The following TUBGCP2 variants were observed in gnomAD, a reference collection of about 807,000 sequenced individuals.
The protein encoded by TUBGCP2 is gamma-tubulin complex component 2.
TUBGCP2 carries 55 observed loss-of-function variants against 92.2 expected under a neutral mutation model. The ratio of observed to expected loss-of-function variants is 0.60; its 90% CI spans 0.48 to 0.75. The LOEUF (loss-of-function observed/expected upper bound fraction) is 0.75. TUBGCP2 is among the 30% of genes least tolerant of loss of function. The pLI, the probability that TUBGCP2 is intolerant of heterozygous loss-of-function variation, is 0.00. For synonymous variants in TUBGCP2, 533 were observed against 505.2 expected, an observed-to-expected ratio of 1.06 and a Z score of -0.74; for missense variants, 1,093 against 1,188.9, an observed-to-expected ratio of 0.92 and a Z score of 1.19.
At chr10:133,303,219 A>T (rs4370852) in intron 1 of TUBGCP2, among the ~76,000 whole-genome samples, 2 of 107,792 alleles carry the variant, frequency 1.9e-5, no homozygotes, top group African/African-American at 7.6e-5. Context: ...TCTGGACGGG[A>T]CTGGGATTAG....
intron 3 of TUBGCP2, 99 bp from the exon 4 acceptor site, chr10:133,299,702 G>T: frequency 1.9e-6 from 2 of 1,073,722 alleles, no homozygotes; most frequent in Non-Finnish European, 2.7e-6. Context: ...CCCCAACCCT[G>T]ACAGGCACCC....
In TUBGCP2 at chr10:133,279,930, G is replaced by A. The variant is rs756313513; in HGVS notation, c.2574-29C>T. Reference sequence around the variant, plus strand: ...TGAGGAAGGACAGTGGAGCTGGGGTGCACACCCCTTCTGCGGGTGCATGCT... The same window carrying A: ...TGAGGAAGGACAGTGGAGCTGGGGTACACACCCCTTCTGCGGGTGCATGCT... On this transcript the variant is annotated intron_variant, in intron 17 of 17. Transcript: ENST00000252936. 3 of 1,600,670 alleles carry A rather than the reference G, an allele frequency of 1.9e-6. No homozygotes were observed. In the South Asian group the frequency reaches 3.4e-5, roughly 18 times the overall value.
intron 1 of TUBGCP2, among the ~76,000 whole-genome samples, chr10:133,305,022 C>G (rs907374585): frequency 1.3e-5 from 2 of 152,072 alleles, no homozygotes; most frequent in Admixed American, 6.5e-5. Context: ...GAAAGGGAGT[C>G]TCCCTTTCCC....
upstream of TUBGCP2, chr10:133,308,987 C>G: frequency 8.0e-7 from 1 of 1,246,780 alleles, no homozygotes; most frequent in Non-Finnish European, 1.0e-6. Context: ...GCTGCGGGGC[C>G]CGGGGCGGCG....
intron 11 of TUBGCP2, among the ~76,000 whole-genome samples, chr10:133,286,149 A>G (rs1847130056): frequency 6.6e-6 from 1 of 152,096 alleles, no homozygotes; most frequent in African/African-American, 2.4e-5. Context: ...GCAAGAAGAA[A>G]CAAGCAGCGG....
intron 15 of TUBGCP2, 106 bp downstream of exon 15, chr10:133,282,972 G>T (rs3747887): frequency 6.8e-7 from 1 of 1,469,678 alleles, no homozygotes; most frequent in Non-Finnish European, 9.2e-7. Context: ...GCTCCTCCAC[G>T]AACACAAGGG....
upstream of TUBGCP2, chr10:133,311,825 C>T (rs771125116): frequency 1.3e-5 from 21 of 1,613,134 alleles, no homozygotes; most frequent in African/African-American, 2.7e-5. Context: ...AGGTGAGAGG[C>T]GGATCTACAG....
In TUBGCP2 at chr10:133,279,758, G is replaced by A; in HGVS notation, c.*8C>T. On this transcript the variant is annotated 3_prime_UTR_variant, in exon 18 of 18. Transcript: ENST00000252936. The stretch of plus-strand genomic sequence containing the variant: ...CCCCACACCCTTCCTTCCTGTCACA[G>A]CCAGGGCTCACTGTGCGGTGACTGC... 1.9e-6 allele frequency: 3 copies of A among 1,552,664 alleles called. No individual in the cohort carries two copies. The highest frequency in any genetic ancestry group is 2.6e-6 in the Non-Finnish European group (3 of 1,147,990).
intron 11 of TUBGCP2, 62 bp downstream of exon 11, chr10:133,288,067 C>T (rs1847177664): frequency 6.4e-7 from 1 of 1,554,648 alleles, no homozygotes; most frequent in East Asian, 2.3e-5. Flanking sequence ...CTCTGCTGTG[C>T]TCTCCTCCCA....
upstream of TUBGCP2, chr10:133,312,292 C>T: frequency 8.1e-7 from 1 of 1,234,866 alleles, no homozygotes; most frequent in Non-Finnish European, 1.0e-6. Context: ...GTCTGCCTTT[C>T]TAGCGTCACC....
chr10:133,311,345 G>C (rs529586902), upstream of TUBGCP2, among the ~76,000 whole-genome samples: 2 of 152,188 alleles, frequency 1.3e-5, no homozygotes, highest in Non-Finnish European at 2.9e-5. Context: ...ACCGTGCAAT[G>C]CTGGATTAAG....
chr10:133,296,246 C>T (rs764323368), intron 5 of TUBGCP2, among the ~76,000 whole-genome samples: 5 of 152,304 alleles, frequency 3.3e-5, no homozygotes, highest in Admixed American at 2.6e-4. Context: ...CTGAACACCC[C>T]CTCAGTGCCT....
intron 5 of TUBGCP2, chr10:133,295,315 T>C (rs1847463623): frequency 1.3e-5 from 2 of 152,252 alleles, no homozygotes; most frequent in South Asian, 4.1e-4. Context: ...CGTGTGATGG[T>C]GCACACCTGC....
At chr10:133,308,112 T>G (rs1247164545) in intron 1 of TUBGCP2, among the ~76,000 whole-genome samples, 1 of 152,188 alleles carries the variant, frequency 6.6e-6, no homozygotes, top group Non-Finnish European at 1.5e-5. Context: ...ACGAGAAAGC[T>G]AAAGCCTCTA....
intron 13 of TUBGCP2, among the ~76,000 whole-genome samples, chr10:133,284,824 C>T (rs75391235): frequency 0.023 from 3,448 of 152,372 alleles, 58 homozygotes; most frequent in Middle Eastern, 0.058. Flanking sequence ...CCCGTGCAGT[C>T]ACCACAAGGC....
chr10:133,312,000 C>A, upstream of TUBGCP2: 1 of 1,598,226 alleles, frequency 6.3e-7, no homozygotes, highest in Non-Finnish European at 8.5e-7. Context: ...CCAGATATCT[C>A]AGGTCCTGTG....
At chr10:133,311,386 A>G (rs1847984691), upstream of TUBGCP2, among the ~76,000 whole-genome samples, 2 of 152,364 alleles carry the variant, frequency 1.3e-5, no homozygotes, top group African/African-American at 4.8e-5. Flanking sequence ...ACTAGTTTAT[A>G]GTCTCTGGTT....
At chr10:133,291,316 G>GT (rs1564938933) in intron 8 of TUBGCP2, among the ~76,000 whole-genome samples, 33 of 69,960 alleles carry the variant, frequency 4.7e-4, no homozygotes, top group East Asian at 8.4e-4. Context: ...ACCTGTACGG[G>GT]AGAGGGCAGC....
At chr10:133,305,447 G>A (rs1349865502) in intron 1 of TUBGCP2, among the ~76,000 whole-genome samples, 1 of 152,040 alleles carries the variant, frequency 6.6e-6, no homozygotes, top group Non-Finnish European at 1.5e-5. Flanking sequence ...AGGCATTCGG[G>A]GCCACTACCG....
Sources: gnomAD v4.1 joint callset for allele counts (sites outside exome capture counted in the v4.1 genomes callset) on GRCh38, gnomAD v4.1.1 for gene constraint, MANE v1.5 for transcripts, NCBI Gene and HGNC (gene_info 2026-07-23, HGNC 2026-07-21) for gene names.